Variants in FUT8 observed in about 807,000 individuals in gnomAD.
FUT8 encodes the protein alpha-(1,6)-fucosyltransferase.
Under a neutral mutation model 71.3 loss-of-function variants are expected in FUT8, and 29 were observed. The observed-to-expected ratio is 0.41, with a 90% CI of 0.30 to 0.55. The LOEUF is 0.55. Ranked by LOEUF, FUT8 falls within the 20% of genes least tolerant of loss-of-function variation. The pLI is 0.34. For synonymous variants in FUT8, 254 were observed against 239.3 expected, an observed-to-expected ratio of 1.06 and a Z score of -0.57; for missense variants, 544 against 702.1, an observed-to-expected ratio of 0.77 and a Z score of 2.55.
intron 2 of FUT8, among the ~76,000 whole-genome samples, chr14:65,508,193 G>C (rs1012049316): frequency 6.0e-5 from 9 of 149,824 alleles, no homozygotes; most frequent in African/African-American, 2.2e-4. Flanking sequence ...TCAGCCTCCC[G>C]AGTAGCTGGG....
At chr14:65,708,643 T>C (rs944331517) in intron 7 of FUT8, among the ~76,000 whole-genome samples, 1 of 152,224 alleles carries the variant, frequency 6.6e-6, no homozygotes, top group African/African-American at 2.4e-5. Flanking sequence ...AATAGTTTGT[T>C]GTTAGTGTAG....
At chr14:65,655,728 G>T (rs1454529233) in intron 6 of FUT8, among the ~76,000 whole-genome samples, 2 of 152,148 alleles carry the variant, frequency 1.3e-5, no homozygotes, top group African/African-American at 4.8e-5. Context: ...ATTGATGGAA[G>T]CATTAGACCG....
chr14:65,361,915 T>C, the FUT8 span, among the ~76,000 whole-genome samples: 2 of 152,194 alleles, frequency 1.3e-5, no homozygotes, highest in African/African-American at 4.8e-5. Context: ...CTGGGAATGT[T>C]GTGGTAGATC....
At chr14:65,611,391 T>C (rs1181254852) in intron 3 of FUT8, among the ~76,000 whole-genome samples, 2 of 151,736 alleles carry the variant, frequency 1.3e-5, no homozygotes, top group African/African-American at 2.4e-5. Flanking sequence ...ATTGATTTTC[T>C]TTCTTTTTTT....
intron 3 of FUT8, among the ~76,000 whole-genome samples, chr14:65,579,847 C>T (rs1226032292): frequency 1.3e-5 from 2 of 151,972 alleles, no homozygotes; most frequent in Non-Finnish European, 2.9e-5. Flanking sequence ...CTGATGTCAC[C>T]TTTCTACAAG....
At chr14:65,529,081 C>T (rs574801880) in intron 2 of FUT8, 1 of 163,274 alleles carries the variant, frequency 6.1e-6, no homozygotes, top group Admixed American at 6.5e-5. Flanking sequence ...ATTTTCCTCT[C>T]ATATGACATA....
chr14:65,424,539 C>CTTTTTTTTTTTTTTTTTTTTTTTTTCT (rs796843891), intron 1 of FUT8, among the ~76,000 whole-genome samples: 1 of 125,448 alleles, frequency 8.0e-6, no homozygotes, highest in Admixed American at 8.0e-5. Context: ...CTTTTCTTTT[C>CTTTTTTTTTTTTTTTTTTTTTTTTTCT]TTTTTTTTTT....
chr14:65,737,783 CT>C (rs1417330255), intron 10 of FUT8, among the ~76,000 whole-genome samples: 13 of 152,018 alleles, frequency 8.6e-5, no homozygotes, highest in Admixed American at 2.6e-4. Context: ...TTTTTTCCCC[CT>C]ATGACACCTC....
At chr14:65,538,151 A>G (rs541977618) in intron 2 of FUT8, among the ~76,000 whole-genome samples, 1 of 152,240 alleles carries the variant, frequency 6.6e-6, no homozygotes, top group African/African-American at 2.4e-5. Flanking sequence ...TCCACTACAG[A>G]TGCTCCCACA....
chr14:65,360,901 G>A, the FUT8 span, among the ~76,000 whole-genome samples: 1 of 152,288 alleles, frequency 6.6e-6, no homozygotes, highest in East Asian at 1.9e-4. Context: ...AATTTTATGA[G>A]CCCATATTTT....
chr14:65,377,982 A>G, the FUT8 span, among the ~76,000 whole-genome samples: 1 of 152,200 alleles, frequency 6.6e-6, no homozygotes, highest in Non-Finnish European at 1.5e-5. Flanking sequence ...GGGAGAAGGA[A>G]AAGACAGAGA....
At position 65,496,319 on chromosome 14, in the gene FUT8, A is replaced by C. The variant is rs565436049; in HGVS notation, c.-228+40601A>C. Reference sequence around the variant, plus strand: ...TGTGAAACATTAAACATTTTTAGCAACCTCAACCCATCATAGTCCTATGAC... The same window carrying C: ...TGTGAAACATTAAACATTTTTAGCACCCTCAACCCATCATAGTCCTATGAC... On this transcript the variant is annotated intron_variant, in intron 2 of 10. Transcript: ENST00000673929. Among the ~76,000 whole-genome samples, 16 of 152,286 alleles carry C rather than the reference A, an allele frequency of 1.1e-4. No homozygotes were observed. The East Asian group carries it at 3.1e-3, about 29-fold the overall frequency.
intron 1 of FUT8, among the ~76,000 whole-genome samples, chr14:65,439,286 C>T (rs1468902757): frequency 6.6e-6 from 1 of 152,098 alleles, no homozygotes; most frequent in East Asian, 1.9e-4. Flanking sequence ...ACTTTTGAGG[C>T]TATAAGGATG....
intron 5 of FUT8, among the ~76,000 whole-genome samples, chr14:65,621,625 G>A (rs1214374979): frequency 1.3e-5 from 2 of 151,888 alleles, no homozygotes; most frequent in African/African-American, 2.4e-5. Flanking sequence ...GCAATGGCAC[G>A]ATCTCAGCTC....
chr14:65,523,134 T>C (rs1883197233), intron 2 of FUT8, among the ~76,000 whole-genome samples: 1 of 152,326 alleles, frequency 6.6e-6, no homozygotes, highest in Non-Finnish European at 1.5e-5. Context: ...TTCTAGATCC[T>C]TGAGGAATCA....
intron 7 of FUT8, among the ~76,000 whole-genome samples, chr14:65,673,497 G>C (rs1425397179): frequency 6.6e-6 from 1 of 152,200 alleles, no homozygotes; most frequent in Non-Finnish European, 1.5e-5. Flanking sequence ...CATATTTGGG[G>C]TTCTTTTGGA....
intron 3 of FUT8, among the ~76,000 whole-genome samples, chr14:65,584,927 A>G (rs1372115251): frequency 6.6e-6 from 1 of 152,212 alleles, no homozygotes; most frequent in African/African-American, 2.4e-5. Flanking sequence ...TGGCTGTGAC[A>G]ATTTCTTAAA....
In FUT8 at chr14:65,742,782, C is replaced by T. The variant is rs1415077921; in HGVS notation, c.*372C>T. On this transcript the variant is annotated 3_prime_UTR_variant, in exon 11 of 11. Coordinates refer to ENST00000673929, the MANE Select transcript of FUT8 (RefSeq NM_001371533.1). ...AAACATGGTGCCTATATCTGAGAGACCTGTGTGAACTATTGAGAAGATCGG... is the reference window on the plus strand; with the variant it reads ...AAACATGGTGCCTATATCTGAGAGATCTGTGTGAACTATTGAGAAGATCGG... 1 of 190,334 alleles carries T rather than the reference C, an allele frequency of 5.3e-6. No homozygotes were observed. Among genetic ancestry groups the T allele is most frequent in the Non-Finnish European group, 1.1e-5 (1 of 89,856 alleles). 11.8% of individuals were successfully genotyped at this position (190,334 alleles called of 1,614,324 possible). A position where few individuals can be genotyped will look rare whatever the true frequency, so the allele number is the denominator to read the frequency against.
rs571945273 is a variant in FUT8 at position 65,684,119 on chromosome 14, T to C, written c.835+14639T>C. Among the ~76,000 whole-genome samples the C allele has an allele frequency of 8.6e-5, 13 of 151,894 alleles. No individual in the cohort carries two copies. The East Asian group carries it at 2.3e-3, about 27-fold the overall frequency. The stretch of plus-strand genomic sequence containing the variant: ...TGGCATTGATTTTATATTAAAAATA[T>C]ATATATATTTTATCGCATTTTCAGT... On this transcript the variant is annotated intron_variant, in intron 7 of 10. Transcript: ENST00000673929.
Sources: allele counts gnomAD v4.1 joint callset (sites outside exome capture counted in the v4.1 genomes callset), GRCh38; gene constraint gnomAD v4.1.1; transcripts MANE v1.5; gene names NCBI Gene and HGNC (gene_info 2026-07-23, HGNC 2026-07-21).